Variants in NMNAT3 observed in about 807,000 individuals in gnomAD.
NMNAT3 encodes nicotinamide nucleotide adenylyltransferase 3.
In NMNAT3, 21 loss-of-function variants were observed where a neutral mutation model predicts 24.8. That is an observed-to-expected ratio of 0.85 (90% confidence interval 0.60 to 1.22). NMNAT3 has a LOEUF of 1.22. Among genes scored for constraint, NMNAT3 ranks in the 50% most tolerant of loss-of-function variants. The pLI is 0.00. For synonymous variants in NMNAT3, 136 were observed against 155.2 expected, an observed-to-expected ratio of 0.88 and a Z score of 0.92; for missense variants, 387 against 436.6, an observed-to-expected ratio of 0.89 and a Z score of 1.01.
intron 3 of NMNAT3, among the ~76,000 whole-genome samples, chr3:139,591,381 G>A (rs1205904500): frequency 2.0e-5 from 3 of 152,254 alleles, no homozygotes; most frequent in South Asian, 4.2e-4. Context: ...AGGCGGCAAC[G>A]AGGCTCGGGA....
At chr3:139,623,569 G>T (rs1219912937) in intron 3 of NMNAT3, among the ~76,000 whole-genome samples, 1 of 151,854 alleles carries the variant, frequency 6.6e-6, no homozygotes, top group African/African-American at 2.4e-5. Flanking sequence ...AATAGTATAT[G>T]CTAGACTTAA....
intron 1 of NMNAT3, among the ~76,000 whole-genome samples, chr3:139,648,195 A>C (rs930126152): frequency 2.0e-5 from 3 of 152,204 alleles, no homozygotes; most frequent in Non-Finnish European, 4.4e-5. Context: ...ATCATTTAAA[A>C]GTGGCTGTTT....
At chr3:139,586,063 T>C (rs2053926347) in intron 3 of NMNAT3, among the ~76,000 whole-genome samples, 1 of 152,178 alleles carries the variant, frequency 6.6e-6, no homozygotes, top group Admixed American at 6.5e-5. Flanking sequence ...ACCTCTCTGG[T>C]TCCAGGTGTT....
intron 1 of NMNAT3, among the ~76,000 whole-genome samples, chr3:139,653,546 T>C (rs1327829806): frequency 6.6e-6 from 1 of 152,228 alleles, no homozygotes; most frequent in East Asian, 1.9e-4. Context: ...ACTGACACTT[T>C]TGGAAACAAA....
At chr3:139,574,085 C>G (rs1938898796) in intron 5 of NMNAT3, among the ~76,000 whole-genome samples, 1 of 152,210 alleles carries the variant, frequency 6.6e-6, no homozygotes, top group South Asian at 2.1e-4. Context: ...ACAACACCTA[C>G]TTTTAGGCTC....
intron 1 of NMNAT3, among the ~76,000 whole-genome samples, chr3:139,659,954 G>A (rs1045911353): frequency 6.6e-6 from 1 of 152,190 alleles, no homozygotes; most frequent in Non-Finnish European, 1.5e-5. Flanking sequence ...AGAAATCAGG[G>A]CTGGGGCCCA....
chr3:139,597,458 A>G (rs990636081), intron 3 of NMNAT3, among the ~76,000 whole-genome samples: 3 of 152,208 alleles, frequency 2.0e-5, no homozygotes, highest in Non-Finnish European at 4.4e-5. Context: ...CCTAGGATAA[A>G]TGCTACCTGG....
At chr3:139,629,303 T>C (rs1455583972) in intron 2 of NMNAT3, among the ~76,000 whole-genome samples, 2 of 152,174 alleles carry the variant, frequency 1.3e-5, no homozygotes, top group African/African-American at 4.8e-5. Flanking sequence ...CCAAAAACTA[T>C]GTGCATGAGT....
At position 139,627,757 on chromosome 3, in the gene NMNAT3, C is replaced by T. The variant is rs993683912; in HGVS notation, c.-33G>A. The T allele has an allele frequency of 6.7e-6, 9 of 1,343,348 alleles. No individual in the cohort carries two copies. The highest frequency in any genetic ancestry group is 8.2e-6 in the Non-Finnish European group (8 of 970,996). 83.2% of individuals were successfully genotyped at this position (1,343,348 alleles called of 1,614,324 possible). A position where few individuals can be genotyped will look rare whatever the true frequency, so the allele number is the denominator to read the frequency against. On this transcript the variant is annotated 5_prime_UTR_variant, in exon 3 of 7. Coordinates refer to ENST00000643695, the MANE Select transcript of NMNAT3 (RefSeq NM_001320510.2). The stretch of plus-strand genomic sequence containing the variant: ...GGCACATCCACACCTGTTGCAGTGG[C>T]CACCCTGCTTTTATGGGGACAAAAG...
intron 6 of NMNAT3, 103 bp downstream of exon 6, chr3:139,573,495 G>A (rs988124456): frequency 9.7e-6 from 5 of 516,688 alleles, no homozygotes; most frequent in Admixed American, 4.1e-5. Context: ...TGCCCAGAGG[G>A]TTGGACTCAA....
chr3:139,606,069 T>C (rs376273045), intron 3 of NMNAT3, among the ~76,000 whole-genome samples: 12 of 152,358 alleles, frequency 7.9e-5, no homozygotes, highest in African/African-American at 2.6e-4. Context: ...ATATCCTTTA[T>C]TCAGCTTCTA....
At chr3:139,612,253 C>A (rs1483052798) in intron 3 of NMNAT3, among the ~76,000 whole-genome samples, 1 of 151,788 alleles carries the variant, frequency 6.6e-6, no homozygotes, top group Admixed American at 6.6e-5. Context: ...AATCAGGGAA[C>A]CGAGTCTAAA....
rs1271434422 is a variant in NMNAT3 at position 139,595,348 on chromosome 3, G to A, written c.110-12140C>T. Among the ~76,000 whole-genome samples, 3 of 152,118 alleles carry A rather than the reference G, an allele frequency of 2.0e-5. No individual in the cohort carries two copies. The East Asian group carries it at 5.8e-4, about 29-fold the overall frequency. ...AATGGAAGAACATTCCATGCTCATG[G>A]GTAGGAAGAATCAATATCGCGAAAA... On this transcript the variant is annotated intron_variant, in intron 3 of 6. Coordinates refer to ENST00000643695, the MANE Select transcript of NMNAT3 (RefSeq NM_001320510.2).
At chr3:139,626,961 T>C (rs1351215027) in intron 3 of NMNAT3, among the ~76,000 whole-genome samples, 4 of 152,162 alleles carry the variant, frequency 2.6e-5, no homozygotes. Flanking sequence ...AATAATTTCA[T>C]ATATACTCGA....
At chr3:139,589,786 T>C (rs1035050916) in intron 3 of NMNAT3, among the ~76,000 whole-genome samples, 2 of 152,230 alleles carry the variant, frequency 1.3e-5, no homozygotes, top group African/African-American at 4.8e-5. Context: ...GGATCAGATT[T>C]GGCCCATGGG....
chr3:139,643,712 GC>G (rs1300822083), intron 1 of NMNAT3, among the ~76,000 whole-genome samples: 2 of 152,130 alleles, frequency 1.3e-5, no homozygotes, highest in African/African-American at 4.8e-5. Context: ...GAATGGCGGT[GC>G]CGGGGGTGGG....
Position 139,667,873 on chromosome 3 carries a change from T to C in NMNAT3, c.-141+9832A>G, listed in dbSNP as rs180902153. On this transcript the variant is annotated intron_variant, in intron 1 of 6. Transcript: ENST00000643695. ...TTAGTCAGCCTTGTGCAAAAGGAAATAGTCTAGAACAAACAAAACATGCTG... is the reference window on the plus strand; with the variant it reads ...TTAGTCAGCCTTGTGCAAAAGGAAACAGTCTAGAACAAACAAAACATGCTG... 1.1e-3 allele frequency among the ~76,000 whole-genome samples: 168 copies of C among 152,130 alleles called. 1 individual carries two copies. The highest frequency in any genetic ancestry group is 1.8e-4 in the Non-Finnish European group (12 of 68,010).
At chr3:139,569,381 C>T (rs1362510612) in intron 6 of NMNAT3, 1 of 152,182 alleles carries the variant, frequency 6.6e-6, no homozygotes, top group Non-Finnish European at 1.5e-5. Context: ...TTGATCCTGT[C>T]ATTATGATGT....
At chr3:139,612,803 A>G (rs563922613) in intron 3 of NMNAT3, among the ~76,000 whole-genome samples, 6 of 152,356 alleles carry the variant, frequency 3.9e-5, no homozygotes, top group African/African-American at 1.2e-4. Flanking sequence ...CCAATGGAAC[A>G]GAACAGAGCC....
Sources: gnomAD v4.1 joint callset for allele counts (sites outside exome capture counted in the v4.1 genomes callset) on GRCh38, gnomAD v4.1.1 for gene constraint, MANE v1.5 for transcripts, NCBI Gene and HGNC (gene_info 2026-07-23, HGNC 2026-07-21) for gene names.